USP9X: variants seen among roughly 807,000 people sequenced by gnomAD.
USP9X encodes ubiquitin carboxyl-terminal hydrolase 9X.
In USP9X, 7 loss-of-function variants were observed where a neutral mutation model predicts 190.3. The observed-to-expected ratio is 0.04, with a 90% CI of 0.02 to 0.07. USP9X has a LOEUF of 0.07. Among genes scored for constraint, USP9X ranks in the 10% least tolerant of loss-of-function variants. The pLI is 1.00. For missense variants in USP9X, 1,010 were observed against 1,916.9 expected, an observed-to-expected ratio of 0.53 and a Z score of 8.83; for synonymous variants, 645 against 659.5, an observed-to-expected ratio of 0.98 and a Z score of 0.34.
In USP9X at chrX:41,189,393, A is replaced by T. The variant is rs1246487454; in HGVS notation, c.3895A>T (p.Ile1299Phe). ...LEVMTLCFAL[I>F]PTALDALSKE... is the part of the protein sequence containing the mutation. ...AGTGATGACCTTATGTTTTGCCTTG[A>T]TTCCAACAGCCTTAGATGCTCTTAG... The change falls in exon 26 of 45, where the codon ATT (isoleucine) becomes TTT (phenylalanine). Residue 1299 changes from isoleucine to phenylalanine, a missense_variant. Ile to Phe is a conservative substitution (Grantham distance 21). Coordinates refer to ENST00000378308, the MANE Select transcript of USP9X (RefSeq NM_001039591.3). 1 of 1,211,668 alleles carries T rather than the reference A, an allele frequency of 8.3e-7. No individual in the cohort carries two copies. The highest frequency in any genetic ancestry group is 2.2e-5 in the Admixed American group (1 of 46,081).
At chrX:41,156,314 C>CT (rs1357553127) in intron 14 of USP9X, among the ~76,000 whole-genome samples, 1 of 111,835 alleles carries the variant, frequency 8.9e-6, no homozygotes, top group Non-Finnish European at 1.9e-5. Context: ...GCAGGTGTGA[C>CT]TAAGAAGCAG....
rs759379487 is a variant in USP9X at position 41,184,681 on chromosome X, A to G, written c.3558+6A>G. 11 of 1,189,310 alleles carry G rather than the reference A, an allele frequency of 9.2e-6. No homozygotes were observed. The highest frequency in any genetic ancestry group is 1.0e-5 in the Non-Finnish European group (9 of 883,711). Reference sequence around the variant, plus strand: ...GTGTGAATCCCATGACACAGGTAATACAGACTTTTTAAAAATCCTTTTATA... The same window carrying G: ...GTGTGAATCCCATGACACAGGTAATGCAGACTTTTTAAAAATCCTTTTATA... On this transcript the variant is annotated splice_donor_region_variant and intron_variant, in intron 23 of 44. Transcript: ENST00000378308.
At chrX:41,150,608 A>G (rs1471138931) in intron 12 of USP9X, among the ~76,000 whole-genome samples, 1 of 111,429 alleles carries the variant, frequency 9.0e-6, no homozygotes, top group Non-Finnish European at 1.9e-5. Context: ...CCTCTGGCAA[A>G]CTTGGAAAAT....
intron 1 of USP9X, among the ~76,000 whole-genome samples, chrX:41,110,917 C>T (rs758823897): frequency 2.7e-5 from 3 of 111,475 alleles, no homozygotes; most frequent in Non-Finnish European, 5.6e-5. Context: ...AGCCAGGATG[C>T]TGTTAAAATA....
At chrX:41,218,298 A>G in intron 36 of USP9X, 74 bp from the exon 37 acceptor site, 2 of 1,046,897 alleles carry the variant, frequency 1.9e-6, no homozygotes, top group African/African-American at 3.8e-5. Context: ...TTTTTGGTTC[A>G]ATGAGACTCA....
intron 38 of USP9X, among the ~76,000 whole-genome samples, chrX:41,220,843 T>TA (rs1445459868): frequency 1.9e-5 from 2 of 106,780 alleles, no homozygotes; most frequent in Non-Finnish European, 3.8e-5. Context: ...TAGTCCCAGC[T>TA]ATTCGGGAGG....
chrX:41,184,080 C>G lies in USP9X; in HGVS notation c.3231C>G (p.Asp1077Glu), dbSNP rs1602010353. Residue 1077 changes from aspartate to glutamate, a missense_variant, in exon 22 of 45, where the codon GAC becomes GAG. Asp to Glu is a conservative substitution (Grantham distance 45). Transcript: ENST00000378308. ...AAAGCAGCCTTAGTCCATCTCTTGA[C>G]TCACTTTTCTTTGGTCCTTCAGCCT... is the stretch of plus-strand genomic sequence containing the variant. The part of the protein sequence containing the change: ...LGESSLSPSL[D>E]SLFFGPSASQ... The G allele has an allele frequency of 8.3e-7, 1 of 1,210,672 alleles. No individual in the cohort carries two copies. Among genetic ancestry groups the G allele is most frequent in the Non-Finnish European group, 1.1e-6 (1 of 894,953 alleles).
At chrX:41,203,028 A>G (rs919595796) in intron 31 of USP9X, among the ~76,000 whole-genome samples, 3 of 111,122 alleles carry the variant, frequency 2.7e-5, no homozygotes, top group African/African-American at 6.5e-5. Flanking sequence ...GTTGTTGTCT[A>G]TTTCTATATC....
At chrX:41,111,718 G>A (rs1212791658) in intron 1 of USP9X, among the ~76,000 whole-genome samples, 1 of 111,463 alleles carries the variant, frequency 9.0e-6, no homozygotes, top group East Asian at 2.8e-4. Flanking sequence ...CAACAAGAAG[G>A]CAAATTGAAC....
At chrX:41,156,808 C>T (rs1434307032) in intron 14 of USP9X, among the ~76,000 whole-genome samples, 1 of 111,848 alleles carries the variant, frequency 8.9e-6, no homozygotes, top group South Asian at 3.8e-4. Flanking sequence ...CCAGACCGTG[C>T]TGTGCCTAAG....
chrX:41,123,730 A>T lies in USP9X; in HGVS notation c.96+6A>T. ...CCCCCCTCCAACAGAATCAGGTAGG[A>T]TGTTGAAGATACTAGTTAAAGCTAC... On this transcript the variant is annotated splice_donor_region_variant and intron_variant, in intron 2 of 44. Transcript: ENST00000378308. 8.3e-7 allele frequency: 1 copy of T among 1,204,882 alleles called. No individual in the cohort carries two copies. Among genetic ancestry groups the T allele is most frequent in the South Asian group, 1.8e-5 (1 of 56,341 alleles).
rs865883473 is a variant in USP9X, at chrX:41,232,248, G to T, written c.7528-139G>T. 1.0e-5 allele frequency: 3 copies of T among 296,917 alleles called. No homozygotes were observed. The South Asian group carries it at 3.3e-4, about 32-fold the overall frequency. The allele number at this position is 296,917 out of a possible 1,213,427, so 24.5% of individuals were successfully genotyped here. A position where few individuals can be genotyped will look rare whatever the true frequency, so the allele number is the denominator to read the frequency against. On this transcript the variant is annotated intron_variant, in intron 44 of 44. Coordinates refer to ENST00000378308, the MANE Select transcript of USP9X (RefSeq NM_001039591.3). ...TTGTTTTTGTTTTTGTTTTTGTTTTGCACTATAGTAGTCCAAGGGTATTTA... is the reference window on the plus strand; with the variant it reads ...TTGTTTTTGTTTTTGTTTTTGTTTTTCACTATAGTAGTCCAAGGGTATTTA...
Position 41,235,469 on chromosome X carries a change from G to GA in USP9X, c.*2948dup, listed in dbSNP as rs1014667740. ...TTTGCGGAATCGCCAGTCTTCCTTT[G>GA]AAAGAAACAGCCCCCAGAATTCTAA... On this transcript the variant is annotated 3_prime_UTR_variant, in exon 45 of 45. Transcript: ENST00000378308. The GA allele has an allele frequency of 8.9e-6, 1 of 112,652 alleles. No individual in the cohort carries two copies. Among genetic ancestry groups the GA allele is most frequent in the Non-Finnish European group, 1.9e-5 (1 of 53,243 alleles). The allele number at this position is 112,652 out of a possible 1,213,427, so 9.3% of individuals were successfully genotyped here.
intron 6 of USP9X, among the ~76,000 whole-genome samples, chrX:41,139,700 A>C (rs1242830869): frequency 1.8e-5 from 2 of 112,413 alleles, no homozygotes; most frequent in African/African-American, 6.5e-5. Context: ...ATTAGCTATC[A>C]TATTTTCTCT....
chrX:41,221,356 A>G (rs1485318913), intron 38 of USP9X, among the ~76,000 whole-genome samples: 1 of 112,285 alleles, frequency 8.9e-6, no homozygotes, highest in East Asian at 2.8e-4. Flanking sequence ...GAATATGGCA[A>G]TAAATAAGAT....
chrX:41,234,912 C>T lies in USP9X; in HGVS notation c.*2388C>T, dbSNP rs1020433328. On this transcript the variant is annotated 3_prime_UTR_variant, in exon 45 of 45. Coordinates refer to ENST00000378308, the MANE Select transcript of USP9X (RefSeq NM_001039591.3). ...GTTCCTCAATTCCAAGCTCTTTAAACGAGTGAAATAGGTTAACTTTATTTG... is the reference window on the plus strand; with the variant it reads ...GTTCCTCAATTCCAAGCTCTTTAAATGAGTGAAATAGGTTAACTTTATTTG... 21 of 112,018 alleles carry T rather than the reference C, an allele frequency of 1.9e-4. No homozygotes were observed. The highest frequency in any genetic ancestry group is 6.5e-4 in the African/African-American group (20 of 30,796). 9.2% of individuals were successfully genotyped at this position (112,018 alleles called of 1,213,427 possible).
Position 41,110,500 on chromosome X carries a change from A to G in USP9X, c.-158-12971A>G, listed in dbSNP as rs181501820. Among the ~76,000 whole-genome samples, 78 of 111,609 alleles carry G rather than the reference A, an allele frequency of 7.0e-4. 1 individual carries two copies. The highest frequency in any genetic ancestry group is 2.5e-3 in the African/African-American group (76 of 30,693). ...ATGGTGTGATAGTTAAAACTGTAGG[A>G]CACTGGCACTTGTACTGTCTGAGTT... On this transcript the variant is annotated intron_variant, in intron 1 of 44. Transcript: ENST00000378308.
At position 41,224,675 on chromosome X, in the gene USP9X, G is replaced by C. The variant is rs1047007008; in HGVS notation, c.6752-67G>C. On this transcript the variant is annotated intron_variant, in intron 39 of 44. Transcript: ENST00000378308. ...AAAATTATAGGCTATTTTCTATCGT[G>C]AAAGTTGTGTATTATTATTGTGAAG... The C allele has an allele frequency of 5.5e-5, 52 of 941,948 alleles. No individual in the cohort carries two copies. In the East Asian group the frequency reaches 1.6e-3, roughly 29 times the overall value. The allele number at this position is 941,948 out of a possible 1,213,427, so 77.6% of individuals were successfully genotyped here. A position where few individuals can be genotyped will look rare whatever the true frequency, so the allele number is the denominator to read the frequency against.
At chrX:41,200,745 A>G (rs2063034797) in intron 30 of USP9X, among the ~76,000 whole-genome samples, 1 of 112,607 alleles carries the variant, frequency 8.9e-6, no homozygotes, top group Admixed American at 9.4e-5. Context: ...AATGGCTAAA[A>G]ATAAAGATGC....
Sources: allele counts gnomAD v4.1 joint callset (sites outside exome capture counted in the v4.1 genomes callset), GRCh38; gene constraint gnomAD v4.1.1; transcripts MANE v1.5; gene names NCBI Gene and HGNC (gene_info 2026-07-23, HGNC 2026-07-21).